The following METTL8 variants were observed in gnomAD, a reference collection of about 807,000 sequenced individuals.
METTL8 encodes the protein tRNA N(3)-cytidine methyltransferase METTL8, mitochondrial.
A neutral mutation model predicts 48.7 loss-of-function variants in METTL8; 32 were observed. The ratio of observed to expected loss-of-function variants is 0.66; its 90% CI spans 0.50 to 0.88. METTL8 has a LOEUF of 0.88. Among genes scored for constraint, METTL8 ranks in the 40% least tolerant of loss-of-function variants. The probability of loss-of-function intolerance (pLI) is 0.00; values close to 1 mark genes in which losing one functional copy is unlikely to be tolerated. For synonymous variants in METTL8, 136 were observed against 157.1 expected, an observed-to-expected ratio of 0.87 and a Z score of 1.01; for missense variants, 464 against 474.4, an observed-to-expected ratio of 0.98 and a Z score of 0.20.
intron 3 of METTL8, among the ~76,000 whole-genome samples, chr2:171,356,952 A>ATGTTTTTGTTTTTTTTTTTTTTTTT: frequency 8.9e-5 from 7 of 78,488 alleles, no homozygotes; most frequent in Non-Finnish European, 1.2e-4. Flanking sequence ...CAAAGACAAT[A>ATGTTTTTGTTTTTTTTTTTTTTTTT]TTTTTTTTTT....
intron 1 of METTL8, 86 bp downstream of exon 1, chr2:171,433,797 G>A (rs1177471645): frequency 6.6e-6 from 1 of 152,408 alleles, no homozygotes; most frequent in African/African-American, 2.4e-5. Context: ...AGAGTGAATG[G>A]GAAGCCAGCA....
chr2:171,430,849 C>G (rs1692938930), intron 1 of METTL8, among the ~76,000 whole-genome samples: 1 of 152,142 alleles, frequency 6.6e-6, no homozygotes, highest in African/African-American at 2.4e-5. Context: ...TTGATCCCCA[C>G]CCTTCACCTA....
chr2:171,360,309 G>A, intron 3 of METTL8, 113 bp downstream of exon 3: 2 of 778,130 alleles, frequency 2.6e-6, no homozygotes, highest in Middle Eastern at 3.2e-4. Context: ...CTACCAAATG[G>A]AACAAGTGGA....
chr2:171,375,410 C>A (rs1375278220), intron 2 of METTL8: 1 of 608,032 alleles, frequency 1.6e-6, no homozygotes, highest in Non-Finnish European at 2.9e-6. Context: ...AATGGTTATA[C>A]CATTTTATAT....
rs184215465 is a variant in METTL8 at position 171,317,053 on chromosome 2, T to A, written c.*7119A>T. 9.8e-5 allele frequency among the ~76,000 whole-genome samples: 15 copies of A among 152,316 alleles called. No homozygotes were observed. The highest frequency in any genetic ancestry group is 9.2e-4 in the Admixed American group (14 of 15,298). The stretch of plus-strand genomic sequence containing the variant: ...TGAGGCAGCAATTACATAGTGTTGC[T>A]TGTGCTAAGTACAGAGCATTAAAAA... On this transcript the variant is annotated 3_prime_UTR_variant, in exon 10 of 10. Coordinates refer to ENST00000375258, the MANE Select transcript of METTL8 (RefSeq NM_001321154.2).
intron 1 of METTL8, among the ~76,000 whole-genome samples, chr2:171,427,536 T>C (rs1255307417): frequency 6.6e-6 from 1 of 152,196 alleles, no homozygotes; most frequent in Non-Finnish European, 1.5e-5. Flanking sequence ...CTGAGAGTTT[T>C]TGACTTCTTA....
rs186139615 is a variant in METTL8, at chr2:171,419,005, G to A, written c.-13+14878C>T. ...ATGAGTATAGTCACGCAGCGTGACA[G>A]AGTGAGACCCTGTCTCAAAAAAAAA... On this transcript the variant is annotated intron_variant, in intron 1 of 9. Transcript: ENST00000375258. Among the ~76,000 whole-genome samples, 292 of 150,510 alleles carry A rather than the reference G, an allele frequency of 1.9e-3. 1 individual carries two copies. The highest frequency in any genetic ancestry group is 1.8e-3 in the Non-Finnish European group (123 of 67,844).
At chr2:171,327,581 G>A (rs1685081461) in intron 7 of METTL8, among the ~76,000 whole-genome samples, 1 of 152,042 alleles carries the variant, frequency 6.6e-6, no homozygotes, top group Non-Finnish European at 1.5e-5. Context: ...ACTGTTCAGT[G>A]GAATAGTAAG....
intron 3 of METTL8, among the ~76,000 whole-genome samples, chr2:171,346,795 A>G (rs945006886): frequency 6.6e-6 from 1 of 152,218 alleles, no homozygotes; most frequent in Admixed American, 6.5e-5. Flanking sequence ...CTTTTAAACA[A>G]TCTATTTACC....
intron 1 of METTL8, among the ~76,000 whole-genome samples, chr2:171,398,220 A>T (rs1689297763): frequency 6.6e-6 from 1 of 152,230 alleles, no homozygotes; most frequent in Non-Finnish European, 1.5e-5. Context: ...CATTCACAAT[A>T]GACAAAAGGT....
At chr2:171,335,989 G>A (rs1441714178) in intron 5 of METTL8, among the ~76,000 whole-genome samples, 3 of 152,160 alleles carry the variant, frequency 2.0e-5, no homozygotes, top group Non-Finnish European at 4.4e-5. Context: ...ATAGATAAAA[G>A]GTGTTTGAAG....
In METTL8 at chr2:171,368,478, T is replaced by G. The variant is rs566100754; in HGVS notation, c.144-7965A>C. 6.9e-4 allele frequency among the ~76,000 whole-genome samples: 105 copies of G among 152,268 alleles called. 1 individual carries two copies. The highest frequency in any genetic ancestry group is 5.4e-3 in the South Asian group (26 of 4,816). ...GTGTTTGCAAAAATAAATTTTGTGC[T>G]TCCAAGCAAAAATTAGACTTCTGGA... On this transcript the variant is annotated intron_variant, in intron 2 of 9. Coordinates refer to ENST00000375258, the MANE Select transcript of METTL8 (RefSeq NM_001321154.2).
chr2:171,410,379 T>C (rs1416166116), intron 1 of METTL8, among the ~76,000 whole-genome samples: 1 of 152,218 alleles, frequency 6.6e-6, no homozygotes, highest in African/African-American at 2.4e-5. Context: ...CCACACTGCC[T>C]GGGGCAACTC....
chr2:171,395,944 T>A (rs1160520427), intron 1 of METTL8, among the ~76,000 whole-genome samples: 2 of 152,156 alleles, frequency 1.3e-5, no homozygotes, highest in African/African-American at 4.8e-5. Context: ...AGGTAGACCA[T>A]ACGCTGGGCT....
At chr2:171,434,235 G>A (rs193213973), upstream of METTL8, 25 of 455,598 alleles carry the variant, frequency 5.5e-5, no homozygotes, top group East Asian at 1.4e-3. Flanking sequence ...GGAGAAGCCG[G>A]GCTGCCTCAC....
intron 2 of METTL8, among the ~76,000 whole-genome samples, chr2:171,381,573 C>G (rs1687540378): frequency 6.6e-6 from 1 of 151,592 alleles, no homozygotes; most frequent in African/African-American, 2.4e-5. Context: ...AAAAAAACAT[C>G]AAAAAGTGGG....
rs142274113 is a variant in METTL8, at chr2:171,347,326, C to T, written c.236-7772G>A. Among the ~76,000 whole-genome samples the T allele has an allele frequency of 6.3e-3, 962 of 152,314 alleles. 10 individuals are homozygous for T. The highest frequency in any genetic ancestry group is 0.022 in the African/African-American group (913 of 41,578). On this transcript the variant is annotated intron_variant, in intron 3 of 9. Coordinates refer to ENST00000375258, the MANE Select transcript of METTL8 (RefSeq NM_001321154.2). ...GAGGCCAGTCACCACCTTTCTATTT[C>T]AGTCACACTACGTACGGTTCTATGG...
At chr2:171,352,357 G>T (rs1684029719) in intron 3 of METTL8, among the ~76,000 whole-genome samples, 1 of 152,140 alleles carries the variant, frequency 6.6e-6, no homozygotes, top group Non-Finnish European at 1.5e-5. Flanking sequence ...CCTGGATTCA[G>T]TTTGCCAGTA....
intron 2 of METTL8, among the ~76,000 whole-genome samples, chr2:171,387,570 T>C (rs1480579221): frequency 6.6e-6 from 1 of 151,740 alleles, no homozygotes; most frequent in Non-Finnish European, 1.5e-5. Flanking sequence ...TTTAAATATA[T>C]ATATGTATGT....
Sources: allele counts gnomAD v4.1 joint callset (sites outside exome capture counted in the v4.1 genomes callset), GRCh38; gene constraint gnomAD v4.1.1; transcripts MANE v1.5; gene names NCBI Gene and HGNC (gene_info 2026-07-23, HGNC 2026-07-21).